GOLIM4: variants seen among roughly 807,000 people sequenced by gnomAD.
GOLIM4 encodes golgi integral membrane protein 4, also known as 130 kDa golgi-localized phosphoprotein.
GOLIM4 carries 71 observed loss-of-function variants against 107.4 expected under a neutral mutation model. The observed-to-expected ratio is 0.66, with a 90% CI of 0.55 to 0.81. The LOEUF (loss-of-function observed/expected upper bound fraction) is 0.81, where lower values mean the gene tolerates loss of function less well. Among genes scored for constraint, GOLIM4 ranks in the 30% least tolerant of loss-of-function variants. The pLI is 0.00. For missense variants in GOLIM4, 830 were observed against 826.1 expected (o/e 1.00, Z -0.06); for synonymous variants, 327 against 294.8 (o/e 1.11, Z -1.12).
chr3:168,086,522 C>T (rs1175890319), intron 1 of GOLIM4, among the ~76,000 whole-genome samples: 1 of 152,160 alleles, frequency 6.6e-6, no homozygotes, highest in East Asian at 1.9e-4. Flanking sequence ...TTTTTAACTT[C>T]ATGCACTCCC....
intron 1 of GOLIM4, among the ~76,000 whole-genome samples, chr3:168,075,454 G>A (rs530717784): frequency 4.6e-5 from 7 of 151,318 alleles, no homozygotes; most frequent in South Asian, 2.1e-4. Context: ...CCGCCACTAC[G>A]CCCGGCTAAT....
intron 1 of GOLIM4, among the ~76,000 whole-genome samples, chr3:168,091,768 A>C (rs900771723): frequency 1.3e-5 from 2 of 152,188 alleles, no homozygotes; most frequent in African/African-American, 4.8e-5. Flanking sequence ...ACCTCTATAA[A>C]ATAGGTTATT....
At chr3:168,025,643 C>A (rs2108222382) in intron 12 of GOLIM4, among the ~76,000 whole-genome samples, 1 of 152,264 alleles carries the variant, frequency 6.6e-6, no homozygotes, top group South Asian at 2.1e-4. Context: ...AGGAAATGGT[C>A]ATTTTCTAGT....
intron 14 of GOLIM4, among the ~76,000 whole-genome samples, chr3:168,019,953 CA>C (rs34547783): frequency 0.21 from 31,307 of 150,128 alleles, 7,348 homozygotes; most frequent in African/African-American, 0.58. Flanking sequence ...TTAGGGGTTA[CA>C]AAAAAAAATG....
intron 1 of GOLIM4, among the ~76,000 whole-genome samples, chr3:168,088,800 C>A (rs1157405954): frequency 6.6e-6 from 1 of 152,198 alleles, no homozygotes; most frequent in Non-Finnish European, 1.5e-5. Flanking sequence ...TCACTTATTC[C>A]TTCAGCCACA....
At chr3:168,061,051 GT>G (rs1204142432) in intron 1 of GOLIM4, among the ~76,000 whole-genome samples, 5 of 151,620 alleles carry the variant, frequency 3.3e-5, no homozygotes, top group African/African-American at 4.9e-5. Flanking sequence ...CTTACATATT[GT>G]TTGAATATAA....
At position 168,090,939 on chromosome 3, in the gene GOLIM4, T is replaced by C. The variant is rs372185536; in HGVS notation, c.187+4160A>G. Among the ~76,000 whole-genome samples, 7 of 152,306 alleles carry C rather than the reference T, an allele frequency of 4.6e-5. No individual in the cohort carries two copies. In the East Asian group the frequency reaches 9.6e-4, roughly 21 times the overall value. On this transcript the variant is annotated intron_variant, in intron 1 of 15. Transcript: ENST00000470487. ...AGAAAAAGAAAAGTCGAAGATAGCA[T>C]GTTCTCATTTACAAGTGGGAGCTAT...
intron 9 of GOLIM4, among the ~76,000 whole-genome samples, chr3:168,031,734 A>G (rs1450971396): frequency 6.6e-6 from 1 of 152,232 alleles, no homozygotes. Context: ...AGCGGCTTGA[A>G]GTCTCAGAAA....
intron 1 of GOLIM4, among the ~76,000 whole-genome samples, chr3:168,082,315 C>T (rs1721413761): frequency 1.3e-5 from 2 of 152,088 alleles, no homozygotes; most frequent in African/African-American, 4.8e-5. Context: ...GGAGGCAGTT[C>T]TAAGAACAGC....
intron 1 of GOLIM4, among the ~76,000 whole-genome samples, chr3:168,063,435 G>C (rs1213953951): frequency 6.6e-6 from 1 of 152,082 alleles, no homozygotes; most frequent in Non-Finnish European, 1.5e-5. Context: ...AAAATTGAAA[G>C]AAAGGTACAG....
intron 1 of GOLIM4, among the ~76,000 whole-genome samples, chr3:168,080,870 T>G (rs1464929713): frequency 1.3e-5 from 2 of 152,198 alleles, no homozygotes; most frequent in African/African-American, 4.8e-5. Flanking sequence ...AAAACATACC[T>G]ATATGCTGGT....
intron 5 of GOLIM4, among the ~76,000 whole-genome samples, chr3:168,042,366 C>T (rs1024334707): frequency 2.0e-5 from 3 of 152,150 alleles, no homozygotes; most frequent in Admixed American, 6.5e-5. Flanking sequence ...TAAGAACCTC[C>T]GTCTCCCGGG....
intron 7 of GOLIM4, 54 bp downstream of exon 7, chr3:168,040,732 A>G (rs1246038796): frequency 8.8e-7 from 1 of 1,140,656 alleles, no homozygotes; most frequent in African/African-American, 1.5e-5. Flanking sequence ...AAAGGAATTG[A>G]GAAATGTTAA....
intron 1 of GOLIM4, among the ~76,000 whole-genome samples, chr3:168,081,115 C>A (rs187028007): frequency 6.6e-6 from 1 of 152,268 alleles, no homozygotes; most frequent in East Asian, 1.9e-4. Flanking sequence ...CCTACTTACA[C>A]CCCAGAATGC....
intron 1 of GOLIM4, among the ~76,000 whole-genome samples, chr3:168,082,606 C>T (rs1014450207): frequency 6.6e-5 from 10 of 152,072 alleles, no homozygotes; most frequent in African/African-American, 1.2e-4. Context: ...TCTCTAAGAA[C>T]GACAAGGCAC....
At chr3:168,054,241 C>T (rs765148718) in intron 1 of GOLIM4, among the ~76,000 whole-genome samples, 1 of 152,226 alleles carries the variant, frequency 6.6e-6, no homozygotes, top group Non-Finnish European at 1.5e-5. Flanking sequence ...AGGCCCAGGC[C>T]TGGGGGGGCA....
intron 5 of GOLIM4, among the ~76,000 whole-genome samples, chr3:168,042,339 G>A (rs1719061567): frequency 2.0e-5 from 3 of 152,022 alleles, no homozygotes; most frequent in Admixed American, 2.0e-4. Flanking sequence ...TAATTTTAGT[G>A]CGATCTTGGC....
At chr3:168,087,447 T>C (rs1721685328) in intron 1 of GOLIM4, among the ~76,000 whole-genome samples, 1 of 152,128 alleles carries the variant, frequency 6.6e-6, no homozygotes, top group Non-Finnish European at 1.5e-5. Flanking sequence ...AGGAAATAAG[T>C]TTTTCATTAT....
chr3:168,072,553 T>C (rs1720885891), intron 1 of GOLIM4, among the ~76,000 whole-genome samples: 1 of 150,878 alleles, frequency 6.6e-6, no homozygotes, highest in Non-Finnish European at 1.5e-5. Context: ...GAAAAGTTGT[T>C]AAAAGCATAG....
Sources: allele counts gnomAD v4.1 joint callset (sites outside exome capture counted in the v4.1 genomes callset), GRCh38; gene constraint gnomAD v4.1.1; transcripts MANE v1.5; gene names NCBI Gene and HGNC (gene_info 2026-07-23, HGNC 2026-07-21).